The following SOS1 variants were observed in gnomAD, a reference collection of about 807,000 sequenced individuals.
SOS1 encodes son of sevenless homolog 1.
In SOS1, 25 loss-of-function variants were observed where a neutral mutation model predicts 157.6. The ratio of observed to expected loss-of-function variants is 0.16; its 90% confidence interval spans 0.12 to 0.22. SOS1 has a LOEUF of 0.22. SOS1 is among the 10% of genes least tolerant of loss of function. The probability of loss-of-function intolerance (pLI) is 1.00; values close to 1 mark genes in which losing one functional copy is unlikely to be tolerated. For missense variants in SOS1, 1,237 were observed against 1,599.1 expected, an observed-to-expected ratio of 0.77 and a Z score of 3.86; for synonymous variants, 528 against 534.0, an observed-to-expected ratio of 0.99 and a Z score of 0.16.
intron 1 of SOS1, among the ~76,000 whole-genome samples, chr2:39,113,652 T>C (rs1312939253): frequency 6.6e-6 from 1 of 152,222 alleles, no homozygotes; most frequent in African/African-American, 2.4e-5. Context: ...GAAGCCGTAA[T>C]AGTATCCTAT....
chr2:39,086,605 T>A (rs1024060406), intron 1 of SOS1, among the ~76,000 whole-genome samples: 1 of 152,184 alleles, frequency 6.6e-6, no homozygotes, highest in South Asian at 2.1e-4. Flanking sequence ...AAAATAAAAA[T>A]GCCCTTCCCC....
intron 1 of SOS1, among the ~76,000 whole-genome samples, chr2:39,105,006 T>C (rs559104571): frequency 1.3e-5 from 2 of 152,310 alleles, no homozygotes; most frequent in Admixed American, 6.5e-5. Flanking sequence ...AATTTAATGT[T>C]GTATAAATAT....
intron 10 of SOS1, among the ~76,000 whole-genome samples, chr2:39,018,483 T>C (rs1272798056): frequency 6.6e-6 from 1 of 151,752 alleles, no homozygotes; most frequent in Non-Finnish European, 1.5e-5. Context: ...GCTGTAGTTA[T>C]TTTTTTCTGC....
At chr2:39,112,949 T>C (rs1226488185) in intron 1 of SOS1, among the ~76,000 whole-genome samples, 1 of 151,504 alleles carries the variant, frequency 6.6e-6, no homozygotes, top group Non-Finnish European at 1.5e-5. Context: ...TGAGGCAGAG[T>C]TGCTGGAACC....
At chr2:39,005,003 T>C (rs1375927614) in intron 17 of SOS1, among the ~76,000 whole-genome samples, 3 of 152,174 alleles carry the variant, frequency 2.0e-5, no homozygotes, top group Non-Finnish European at 4.4e-5. Flanking sequence ...AGTTTAAAAA[T>C]GGACACCTTT....
At chr2:39,034,008 C>G (rs1331955187) in intron 8 of SOS1, among the ~76,000 whole-genome samples, 1 of 151,900 alleles carries the variant, frequency 6.6e-6, no homozygotes, top group East Asian at 1.9e-4. Context: ...CCCATTATAA[C>G]TATAGTTAGT....
Position 39,035,197 on chromosome 2 carries a change from A to G in SOS1, c.1074+15T>C, listed in dbSNP as rs756552655. ...ACTTGAATATGTTACAAATAACAAT[A>G]AAGAGTTTTCTTACCTTCAAAAGTT... On this transcript the variant is annotated intron_variant, in intron 8 of 22. Coordinates refer to ENST00000402219, the MANE Select transcript of SOS1 (RefSeq NM_005633.4). 4 of 1,564,546 alleles carry G rather than the reference A, an allele frequency of 2.6e-6. No homozygotes were observed. The highest frequency in any genetic ancestry group is 2.7e-5 in the African/African-American group (2 of 73,804).
chr2:39,042,184 G>A (rs1000742691), intron 6 of SOS1, among the ~76,000 whole-genome samples: 10 of 151,890 alleles, frequency 6.6e-5, no homozygotes, highest in African/African-American at 2.4e-4. Context: ...GTACTTAAGG[G>A]GACAAGAACA....
At chr2:39,119,656 T>C (rs920475577) in intron 1 of SOS1, among the ~76,000 whole-genome samples, 2 of 152,062 alleles carry the variant, frequency 1.3e-5, no homozygotes, top group East Asian at 1.9e-4. Context: ...AGATCGGGGG[T>C]ATGTAACTTC....
chr2:39,087,721 T>C (rs1425412333), intron 1 of SOS1, among the ~76,000 whole-genome samples: 2 of 152,178 alleles, frequency 1.3e-5, no homozygotes, highest in African/African-American at 2.4e-5. Flanking sequence ...CAGGTTGGAG[T>C]GCAGTGGTGC....
At chr2:39,077,496 T>C (rs535430518) in intron 1 of SOS1, among the ~76,000 whole-genome samples, 7 of 152,168 alleles carry the variant, frequency 4.6e-5, no homozygotes, top group South Asian at 4.2e-4. Flanking sequence ...TTCTGAAAAA[T>C]TGAGATGCTG....
chr2:39,062,190 G>A (rs2124617020), intron 2 of SOS1, among the ~76,000 whole-genome samples: 1 of 152,056 alleles, frequency 6.6e-6, no homozygotes, highest in East Asian at 1.9e-4. Context: ...GGCGGAGGTG[G>A]GCGGACTGCT....
chr2:39,080,126 T>C (rs989127430), intron 1 of SOS1, among the ~76,000 whole-genome samples: 3 of 152,006 alleles, frequency 2.0e-5, no homozygotes, highest in African/African-American at 4.8e-5. Flanking sequence ...CAACTCACCA[T>C]AATGTACAAT....
rs869178369 is a variant in SOS1, at chr2:39,069,190, C to CAA, written c.88-1439_88-1438dup. ...GGGAAAACCTGTCTCTACCAAAAAG[C>CAA]AAAAAAAAAAAAAAAAAAAAAAAAA... On this transcript the variant is annotated intron_variant, in intron 1 of 22. Transcript: ENST00000402219. Among the ~76,000 whole-genome samples the CAA allele has an allele frequency of 7.5e-4, 35 of 46,754 alleles. 3 individuals are homozygous for CAA. Among genetic ancestry groups the CAA allele is most frequent in the Admixed American group, 1.3e-3 (3 of 2,312 alleles). The allele number at this position is 46,754 out of a possible 152,430, so 30.7% of individuals were successfully genotyped here. A position where few individuals can be genotyped will look rare whatever the true frequency, so the allele number is the denominator to read the frequency against.
chr2:39,093,878 G>A (rs151095630), intron 1 of SOS1, among the ~76,000 whole-genome samples: 159 of 152,342 alleles, frequency 1.0e-3, no homozygotes, highest in African/African-American at 3.6e-3. Flanking sequence ...CAGATTCCAT[G>A]TTGCAATTAA....
chr2:39,095,573 T>C (rs975809217), intron 1 of SOS1, among the ~76,000 whole-genome samples: 1 of 152,224 alleles, frequency 6.6e-6, no homozygotes, highest in Non-Finnish European at 1.5e-5. Context: ...TAAGTCCTCA[T>C]TCTCCTGAAT....
chr2:39,037,401 T>G (rs74769132), intron 6 of SOS1, among the ~76,000 whole-genome samples: 1 of 152,226 alleles, frequency 6.6e-6, no homozygotes, highest in Non-Finnish European at 1.5e-5. Flanking sequence ...TTTTCAAGAT[T>G]CATCTATTTT....
At chr2:39,006,584 A>G in intron 16 of SOS1, 55 bp from the exon 17 acceptor site, 1 of 876,078 alleles carries the variant, frequency 1.1e-6, no homozygotes, top group Non-Finnish European at 2.0e-6. Flanking sequence ...GGTCTTGTCA[A>G]AAAAAATACT....
intron 6 of SOS1, among the ~76,000 whole-genome samples, chr2:39,041,502 T>A (rs1558483818): frequency 6.6e-6 from 1 of 152,230 alleles, no homozygotes; most frequent in Non-Finnish European, 1.5e-5. Context: ...TTCTTGATGG[T>A]GTCCTTTGAA....
Sources: gnomAD v4.1 joint callset for allele counts (sites outside exome capture counted in the v4.1 genomes callset) on GRCh38, gnomAD v4.1.1 for gene constraint, MANE v1.5 for transcripts, NCBI Gene and HGNC (gene_info 2026-07-23, HGNC 2026-07-21) for gene names.